Variants in PEAK1 observed in about 807,000 individuals in gnomAD.
PEAK1 encodes the protein pseudopodium enriched atypical kinase 1.
In PEAK1, 54 loss-of-function variants were observed where a neutral mutation model predicts 124.7. The ratio of observed to expected loss-of-function variants is 0.43; its 90% CI spans 0.35 to 0.54. The LOEUF (loss-of-function observed/expected upper bound fraction) is 0.54, where lower values mean the gene tolerates loss of function less well. Among genes scored for constraint, PEAK1 ranks in the 20% least tolerant of loss-of-function variants. PEAK1 has a pLI of 0.01. For synonymous variants in PEAK1, 719 were observed against 760.0 expected, an observed-to-expected ratio of 0.95 and a Z score of 0.89; for missense variants, 2,046 against 2,134.5, an observed-to-expected ratio of 0.96 and a Z score of 0.82.
chr15:77,280,564 CTTT>C (rs71447149), intron 5 of PEAK1, among the ~76,000 whole-genome samples: 4 of 138,658 alleles, frequency 2.9e-5, no homozygotes, highest in African/African-American at 5.3e-5. Flanking sequence ...AAATGATTTC[CTTT>C]TTTTTTTTTT....
intron 6 of PEAK1, among the ~76,000 whole-genome samples, chr15:77,232,007 T>C (rs2059928572): frequency 6.6e-6 from 1 of 152,156 alleles, no homozygotes; most frequent in South Asian, 2.1e-4. Context: ...CCAAAGCAAT[T>C]GTGAAGGTTT....
intron 2 of PEAK1, among the ~76,000 whole-genome samples, chr15:77,344,929 G>A (rs1439912110): frequency 3.3e-5 from 5 of 152,114 alleles, no homozygotes; most frequent in Admixed American, 6.5e-5. Flanking sequence ...GTTTTAATTC[G>A]AACCTGTTTT....
At chr15:77,216,186 C>T (rs888407454) in intron 6 of PEAK1, among the ~76,000 whole-genome samples, 9 of 152,214 alleles carry the variant, frequency 5.9e-5, no homozygotes, top group Non-Finnish European at 2.9e-5. Flanking sequence ...CAGTACACTG[C>T]TCCATTTATT....
intron 6 of PEAK1, among the ~76,000 whole-genome samples, chr15:77,249,284 T>C (rs190148056): frequency 1.7e-4 from 26 of 152,292 alleles, no homozygotes; most frequent in Admixed American, 1.7e-3. Context: ...CAAATTATTC[T>C]TTGTCTGTAA....
intron 6 of PEAK1, among the ~76,000 whole-genome samples, chr15:77,230,646 C>T (rs181283295): frequency 9.9e-5 from 15 of 152,096 alleles, no homozygotes; most frequent in Admixed American, 8.5e-4. Context: ...ACCTGTAATC[C>T]CACCAATTTG....
At chr15:77,151,933 C>G (rs930963128) in intron 8 of PEAK1, among the ~76,000 whole-genome samples, 1 of 151,146 alleles carries the variant, frequency 6.6e-6, no homozygotes, top group Non-Finnish European at 1.5e-5. Flanking sequence ...AACCAAAAAC[C>G]TTTGTTCTTT....
chr15:77,136,636 A>G (rs769324139), intron 8 of PEAK1, among the ~76,000 whole-genome samples: 2 of 152,174 alleles, frequency 1.3e-5, no homozygotes, highest in African/African-American at 2.4e-5. Flanking sequence ...ACTGTACTCC[A>G]GTATTGGTGA....
chr15:77,282,247 G>T (rs1463831146), intron 5 of PEAK1, among the ~76,000 whole-genome samples: 2 of 151,714 alleles, frequency 1.3e-5, no homozygotes, highest in Admixed American at 1.3e-4. Flanking sequence ...AGAGTTCCTC[G>T]AATTTCCATA....
intron 2 of PEAK1, among the ~76,000 whole-genome samples, chr15:77,309,002 A>G (rs2064269007): frequency 6.6e-6 from 1 of 152,114 alleles, no homozygotes; most frequent in Admixed American, 6.5e-5. Flanking sequence ...GCATTTCAGG[A>G]GTATGAGTAA....
At chr15:77,345,838 G>A in intron 2 of PEAK1, 1 of 816,546 alleles carries the variant, frequency 1.2e-6, no homozygotes, top group Non-Finnish European at 1.5e-6. Context: ...AGGTATTAAA[G>A]TATTACATGT....
At chr15:77,419,719 C>G (rs1209443996) in intron 1 of PEAK1, 1 of 962,540 alleles carries the variant, frequency 1.0e-6, no homozygotes, top group Non-Finnish European at 1.2e-6. Flanking sequence ...GGGGGCGTCG[C>G]GCTCCCGGGG....
chr15:77,307,692 G>A (rs1361816032), intron 2 of PEAK1, among the ~76,000 whole-genome samples: 1 of 151,964 alleles, frequency 6.6e-6, no homozygotes, highest in Non-Finnish European at 1.5e-5. Context: ...TTGTAAGCTG[G>A]ATCATATAGA....
intron 6 of PEAK1, among the ~76,000 whole-genome samples, chr15:77,239,041 T>A (rs1280766402): frequency 6.6e-6 from 1 of 152,236 alleles, no homozygotes; most frequent in African/African-American, 2.4e-5. Context: ...ATTGGTACTA[T>A]ATATTCTATA....
chr15:77,212,945 A>G (rs1453953669), intron 6 of PEAK1, among the ~76,000 whole-genome samples: 2 of 152,232 alleles, frequency 1.3e-5, no homozygotes, highest in African/African-American at 2.4e-5. Context: ...CAGTGTTAGC[A>G]AAAGTGAATT....
chr15:77,114,706 T>C lies in PEAK1; in HGVS notation c.4691A>G (p.His1564Arg). 3 of 1,613,622 alleles carry C rather than the reference T, an allele frequency of 1.9e-6. No homozygotes were observed. Among genetic ancestry groups the C allele is most frequent in the Non-Finnish European group, 2.5e-6 (3 of 1,179,916 alleles). The part of the protein sequence containing the change: ...SNFSQAKQKS[H>R]LVDPEILRDQ... ...CCGGAGGATCTCGGGGTCCACCAGA[T>C]GGCTCTTCTGCTTGGCCTGAGAGAA... Residue 1564 changes from histidine to arginine, a missense_variant, in exon 10 of 10, where the codon CAT becomes CGT. Physicochemically the swap from His to Arg is conservative, Grantham distance 29. Transcript: ENST00000682557.
At chr15:77,409,592 G>T (rs1209873665) in intron 1 of PEAK1, among the ~76,000 whole-genome samples, 4 of 152,140 alleles carry the variant, frequency 2.6e-5, no homozygotes, top group Admixed American at 2.6e-4. Flanking sequence ...AGAAAAAATG[G>T]AGATGGCAAA....
At chr15:77,264,768 T>C (rs1221435618) in intron 5 of PEAK1, among the ~76,000 whole-genome samples, 2 of 152,174 alleles carry the variant, frequency 1.3e-5, no homozygotes, top group Non-Finnish European at 2.9e-5. Flanking sequence ...AAAGTTCATA[T>C]GAAACCAAAA....
chr15:77,321,226 C>A (rs1405312205), intron 2 of PEAK1, among the ~76,000 whole-genome samples: 2 of 152,168 alleles, frequency 1.3e-5, no homozygotes, highest in South Asian at 2.1e-4. Flanking sequence ...AGCCCTGAGG[C>A]ATCGCCATAC....
intron 5 of PEAK1, among the ~76,000 whole-genome samples, chr15:77,266,604 G>C (rs78581062): frequency 0.022 from 3,282 of 152,222 alleles, 117 homozygotes; most frequent in African/African-American, 0.074. Context: ...GCCATATCAA[G>C]AATCAGGAAA....
Sources: allele counts gnomAD v4.1 joint callset (sites outside exome capture counted in the v4.1 genomes callset), GRCh38; gene constraint gnomAD v4.1.1; transcripts MANE v1.5; gene names NCBI Gene and HGNC (gene_info 2026-07-23, HGNC 2026-07-21).